The following UTS2B variants were observed in gnomAD, a reference collection of about 807,000 sequenced individuals.
The protein encoded by UTS2B is urotensin-2B.
Under a neutral mutation model 19.2 loss-of-function variants are expected in UTS2B, and 21 were observed. The observed-to-expected ratio is 1.09, with a 90% CI of 0.78 to 1.58. UTS2B has a LOEUF of 1.58. UTS2B is among the 40% of genes most tolerant of loss of function. The probability of loss-of-function intolerance (pLI) is 0.00; values close to 1 mark genes in which losing one functional copy is unlikely to be tolerated. For missense variants in UTS2B, 138 were observed against 130.3 expected (o/e 1.06, Z -0.29); for synonymous variants, 57 against 50.2 (o/e 1.14, Z -0.58).
chr3:191,282,253 T>C lies in UTS2B; in HGVS notation c.-64A>G, dbSNP rs1449194249. The C allele has an allele frequency of 1.6e-6, 2 of 1,279,384 alleles. No homozygotes were observed. Among genetic ancestry groups the C allele is most frequent in the Non-Finnish European group, 2.2e-6 (2 of 908,546 alleles). 79.3% of individuals were successfully genotyped at this position (1,279,384 alleles called of 1,614,324 possible). On this transcript the variant is annotated 5_prime_UTR_variant, in exon 5 of 9. Coordinates refer to ENST00000340524, the MANE Select transcript of UTS2B (RefSeq NM_198152.5). The stretch of plus-strand genomic sequence containing the variant: ...TTCCAGGTCAAGATGGATATTTCTA[T>C]AGCTTTGGAATTCAGTAGAGCTTAG...
intron 8 of UTS2B, among the ~76,000 whole-genome samples, chr3:191,271,452 C>T (rs972250470): frequency 1.3e-5 from 2 of 152,194 alleles, no homozygotes; most frequent in African/African-American, 4.8e-5. Flanking sequence ...CAATACTTGT[C>T]TCAGTGATCA....
intron 3 of UTS2B, among the ~76,000 whole-genome samples, chr3:191,315,737 G>T (rs941112804): frequency 4.2e-4 from 64 of 152,198 alleles, no homozygotes; most frequent in Non-Finnish European, 3.2e-4. Flanking sequence ...TTTTGGAGAA[G>T]AAATTGTTTA....
chr3:191,326,009 T>C (rs1192807732), intron 2 of UTS2B, among the ~76,000 whole-genome samples: 1 of 152,238 alleles, frequency 6.6e-6, no homozygotes, highest in Non-Finnish European at 1.5e-5. Context: ...TCCTCATTTT[T>C]GGAACTGTTC....
intron 4 of UTS2B, among the ~76,000 whole-genome samples, chr3:191,303,944 T>G (rs575986214): frequency 6.6e-6 from 1 of 151,886 alleles, no homozygotes; most frequent in South Asian, 2.1e-4. Flanking sequence ...AAGGATATAT[T>G]GCAGAAGAAA....
At chr3:191,341,274 A>G in the UTS2B span, among the ~76,000 whole-genome samples, 1 of 152,194 alleles carries the variant, frequency 6.6e-6, no homozygotes, top group African/African-American at 2.4e-5. Context: ...AATAGGCTCT[A>G]TTTATTGAGC....
At chr3:191,329,733 C>G (rs1717883402) in intron 1 of UTS2B, 1 of 1,608,432 alleles carries the variant, frequency 6.2e-7, no homozygotes, top group Non-Finnish European at 8.5e-7. Flanking sequence ...GGTAAGGGCC[C>G]CGGAGGGAGA....
chr3:191,326,186 TC>T (rs1015503742), intron 2 of UTS2B, among the ~76,000 whole-genome samples: 104 of 152,356 alleles, frequency 6.8e-4, no homozygotes, highest in African/African-American at 2.4e-3. Flanking sequence ...AATTTGTGAT[TC>T]TTACTGATAA....
rs1305308797 is a variant in UTS2B at position 191,329,759 on chromosome 3, C to T, written c.-665+655G>A. 4 of 1,595,816 alleles carry T rather than the reference C, an allele frequency of 2.5e-6. No individual in the cohort carries two copies. The Admixed American group carries it at 5.2e-5, about 21-fold the overall frequency. On this transcript the variant is annotated intron_variant, in intron 1 of 8. Transcript: ENST00000340524. ...CGGAGGGAGAGCGCGCGGGACCCTCCCCTCTCCCAGCCCGAGGTTCTCTCA... is the reference window on the plus strand; with the variant it reads ...CGGAGGGAGAGCGCGCGGGACCCTCTCCTCTCCCAGCCCGAGGTTCTCTCA...
At chr3:191,270,619 T>A (rs1381176162) in intron 8 of UTS2B, among the ~76,000 whole-genome samples, 1 of 152,206 alleles carries the variant, frequency 6.6e-6, no homozygotes, top group African/African-American at 2.4e-5. Context: ...CAAAATTCTT[T>A]AAGAGAATTT....
chr3:191,279,937 TTCTA>T (rs1179662638), intron 5 of UTS2B, among the ~76,000 whole-genome samples: 1 of 152,128 alleles, frequency 6.6e-6, no homozygotes, highest in Non-Finnish European at 1.5e-5. Flanking sequence ...TTTTTAATGT[TTCTA>T]TCTTTGAACA....
the UTS2B span, among the ~76,000 whole-genome samples, chr3:191,338,306 CT>C: frequency 1.3e-5 from 2 of 152,112 alleles, no homozygotes; most frequent in African/African-American, 4.8e-5. Flanking sequence ...TTATGAAGGT[CT>C]GTGTAAATAT....
At chr3:191,307,485 TG>T (rs1717171122) in intron 3 of UTS2B, among the ~76,000 whole-genome samples, 1 of 152,146 alleles carries the variant, frequency 6.6e-6, no homozygotes, top group Non-Finnish European at 1.5e-5. Context: ...CAACATCATG[TG>T]TTTCTGTGTT....
intron 3 of UTS2B, among the ~76,000 whole-genome samples, chr3:191,315,021 T>C (rs1156749452): frequency 6.6e-6 from 1 of 151,914 alleles, no homozygotes; most frequent in East Asian, 1.9e-4. Context: ...GAATTTTTTT[T>C]TTTTTTTTGA....
chr3:191,275,227 T>A, intron 8 of UTS2B, 25 bp downstream of exon 8: 1 of 1,550,490 alleles, frequency 6.4e-7, no homozygotes, highest in East Asian at 2.3e-5. Flanking sequence ...GAAGTCAATC[T>A]TAAAACCTTG....
At chr3:191,334,315 A>G (rs954211369), upstream of UTS2B, among the ~76,000 whole-genome samples, 1 of 152,220 alleles carries the variant, frequency 6.6e-6, no homozygotes, top group Admixed American at 6.5e-5. Flanking sequence ...GTATATTGCC[A>G]TATGTAGACT....
the UTS2B span, among the ~76,000 whole-genome samples, chr3:191,340,541 C>A: frequency 6.6e-6 from 1 of 152,140 alleles, no homozygotes; most frequent in East Asian, 1.9e-4. Context: ...TTCCTTCATA[C>A]CCTTCTTGAT....
At chr3:191,298,779 T>TG in intron 4 of UTS2B, among the ~76,000 whole-genome samples, 1 of 152,218 alleles carries the variant, frequency 6.6e-6, no homozygotes, top group Admixed American at 6.5e-5. Context: ...AGGGAAAACT[T>TG]GGCACTTCAT....
chr3:191,296,901 G>A (rs1576923946), intron 4 of UTS2B, among the ~76,000 whole-genome samples: 1 of 152,304 alleles, frequency 6.6e-6, no homozygotes, highest in East Asian at 1.9e-4. Flanking sequence ...AGCAAGTGAG[G>A]TAGAGAGGAA....
chr3:191,312,744 C>A (rs1228678899), intron 3 of UTS2B, among the ~76,000 whole-genome samples: 1 of 152,130 alleles, frequency 6.6e-6, no homozygotes, highest in Non-Finnish European at 1.5e-5. Context: ...TGATCTAACC[C>A]CAAAACGTCA....
Sources: allele counts gnomAD v4.1 joint callset (sites outside exome capture counted in the v4.1 genomes callset), GRCh38; gene constraint gnomAD v4.1.1; transcripts MANE v1.5; gene names NCBI Gene and HGNC (gene_info 2026-07-23, HGNC 2026-07-21).